LRBA: variants seen among roughly 807,000 people sequenced by gnomAD.
LRBA encodes the protein LPS responsive beige-like anchor protein.
In LRBA, 176 loss-of-function variants were observed where a neutral mutation model predicts 330.0. That is an observed-to-expected ratio of 0.53 (90% confidence interval 0.47 to 0.60). The LOEUF (loss-of-function observed/expected upper bound fraction) is 0.60, where lower values mean the gene tolerates loss of function less well. Ranked by LOEUF, LRBA falls within the 20% of genes least tolerant of loss-of-function variation. LRBA has a pLI of 0.00. For missense variants in LRBA, 3,259 were observed against 3,444.8 expected, an observed-to-expected ratio of 0.95 and a Z score of 1.35; for synonymous variants, 1,230 against 1,193.0, an observed-to-expected ratio of 1.03 and a Z score of -0.64.
intron 47 of LRBA, among the ~76,000 whole-genome samples, chr4:150,388,045 G>T (rs1261536148): frequency 6.6e-6 from 1 of 152,200 alleles, no homozygotes; most frequent in Non-Finnish European, 1.5e-5. Context: ...TCTGAAGGCT[G>T]AATTAATTTA....
chr4:150,447,988 A>G (rs1752824178), intron 44 of LRBA, among the ~76,000 whole-genome samples: 1 of 152,228 alleles, frequency 6.6e-6, no homozygotes, highest in Admixed American at 6.5e-5. Flanking sequence ...TCACAGGAAG[A>G]AAAGCCTAAG....
chr4:150,703,831 G>T (rs1416798893), intron 36 of LRBA, among the ~76,000 whole-genome samples: 1 of 151,122 alleles, frequency 6.6e-6, no homozygotes, highest in Admixed American at 6.6e-5. Flanking sequence ...ATCAAGGTTA[G>T]ATTCTCAAAG....
chr4:150,302,750 G>T lies in LRBA; in HGVS notation c.7892C>A (p.Thr2631Asn), dbSNP rs777478110. ...QVVFGHWDVV[T>N]CLARSESYIG... is the part of the protein sequence containing the mutation. Reference sequence around the variant, plus strand: ...ATATGACTCAGAACGAGCAAGGCAAGTGACGACATCCCAATGGCCAAACAC... The same window carrying T: ...ATATGACTCAGAACGAGCAAGGCAATTGACGACATCCCAATGGCCAAACAC... Residue 2631 changes from threonine (T) to asparagine (N), a missense_variant, in exon 53 of 57, where the codon ACT becomes AAT. Physicochemically the swap from Thr to Asn is moderately conservative, Grantham distance 65 (BLOSUM62 0). Coordinates refer to ENST00000651943, the MANE Select transcript of LRBA (RefSeq NM_001364905.1). 1 of 1,609,876 alleles carries T rather than the reference G, an allele frequency of 6.2e-7. No individual in the cohort carries two copies. The highest frequency in any genetic ancestry group is 1.7e-5 in the Admixed American group (1 of 59,644).
intron 56 of LRBA, among the ~76,000 whole-genome samples, chr4:150,270,255 T>C (rs568793357): frequency 6.6e-6 from 1 of 152,284 alleles, no homozygotes; most frequent in South Asian, 2.1e-4. Flanking sequence ...TGAATAGATA[T>C]TTGTATGATA....
intron 2 of LRBA, among the ~76,000 whole-genome samples, chr4:150,948,901 A>G (rs563136578): frequency 8.8e-4 from 134 of 152,094 alleles, no homozygotes; most frequent in African/African-American, 3.1e-3. Context: ...ATCACTATAC[A>G]TCAATCAAAA....
chr4:150,349,678 GA>G (rs1197064370), intron 48 of LRBA, among the ~76,000 whole-genome samples: 1 of 151,628 alleles, frequency 6.6e-6, no homozygotes, highest in Non-Finnish European at 1.5e-5. Flanking sequence ...TCTCTTTAAT[GA>G]ATTATTACTA....
In LRBA at chr4:150,590,821, T is replaced by C; in HGVS notation, c.6085A>G (p.Ile2029Val). 1 of 1,613,862 alleles carries C rather than the reference T, an allele frequency of 6.2e-7. No homozygotes were observed. Among genetic ancestry groups the C allele is most frequent in the Non-Finnish European group, 8.5e-7 (1 of 1,179,786 alleles). ...EDILAKGKQS[I>V]RSQALGNQNS... ...TGATTTCCTAAAGCCTGACTCCTGA[T>C]GGACTGTTTTCCTTTAGCAAGGATA... Residue 2029 changes from isoleucine to valine, a missense_variant, in exon 39 of 57, where the codon ATC becomes GTC. Ile to Val is a conservative substitution (Grantham distance 29). Transcript: ENST00000651943.
chr4:150,952,917 T>C (rs1209649065), intron 2 of LRBA, among the ~76,000 whole-genome samples: 1 of 152,148 alleles, frequency 6.6e-6, no homozygotes, highest in African/African-American at 2.4e-5. Flanking sequence ...CTTACAATTA[T>C]TTTGCTTCCT....
intron 2 of LRBA, among the ~76,000 whole-genome samples, chr4:150,945,005 C>T (rs1736092864): frequency 6.6e-6 from 1 of 152,198 alleles, no homozygotes; most frequent in Non-Finnish European, 1.5e-5. Flanking sequence ...GACTGTGGGG[C>T]CTCCCCAGCA....
chr4:150,413,473 T>C (rs75307767), intron 47 of LRBA, among the ~76,000 whole-genome samples: 3,452 of 152,204 alleles, frequency 0.023, 128 homozygotes, highest in African/African-American at 0.077. Flanking sequence ...ACTACTGATA[T>C]ATGCACAACA....
In LRBA at chr4:150,281,094, C is replaced by A. The variant is rs1380345041; in HGVS notation, c.8316+1356G>T. Among the ~76,000 whole-genome samples, 4 of 152,300 alleles carry A rather than the reference C, an allele frequency of 2.6e-5. No individual in the cohort carries two copies. In the East Asian group the frequency reaches 5.8e-4, roughly 22 times the overall value. ...AACTTCCCAGAGCCCCTGGTACTAA[C>A]TGAAATGCCACAGAAATTGCTTCAG... On this transcript the variant is annotated intron_variant, in intron 55 of 56. Transcript: ENST00000651943.
chr4:150,348,137 A>G (rs1262452419), intron 48 of LRBA, among the ~76,000 whole-genome samples: 1 of 152,246 alleles, frequency 6.6e-6, no homozygotes, highest in Non-Finnish European at 1.5e-5. Flanking sequence ...ATTAACGCAC[A>G]GTAAACTTCC....
chr4:150,627,165 T>C (rs1009431982), intron 37 of LRBA, among the ~76,000 whole-genome samples: 2 of 152,096 alleles, frequency 1.3e-5, no homozygotes, highest in African/African-American at 4.8e-5. Flanking sequence ...CTGCTCAGTA[T>C]TCCTGGTCCT....
At chr4:150,286,743 G>A (rs10520053) in intron 53 of LRBA, among the ~76,000 whole-genome samples, 39,898 of 151,948 alleles carry the variant, frequency 0.26, 5,450 homozygotes, top group Non-Finnish European at 0.3. Context: ...AGATATTGCC[G>A]AATACTTTCA....
At chr4:150,978,574 G>A (rs1740474396) in intron 2 of LRBA, among the ~76,000 whole-genome samples, 1 of 152,108 alleles carries the variant, frequency 6.6e-6, no homozygotes, top group Non-Finnish European at 1.5e-5. Context: ...AGAGATATGT[G>A]GCCTTTTAGG....
chr4:150,840,943 A>G (rs560901769), intron 28 of LRBA: 43 of 1,143,964 alleles, frequency 3.8e-5, no homozygotes, highest in Middle Eastern at 4.7e-4. Flanking sequence ...AAAATAGAAG[A>G]TAGGCTCAAT....
intron 46 of LRBA, among the ~76,000 whole-genome samples, chr4:150,416,895 C>A (rs755001968): frequency 2.6e-5 from 4 of 152,042 alleles, no homozygotes; most frequent in Non-Finnish European, 5.9e-5. Context: ...TTTAATCTCA[C>A]AACCACTTTA....
chr4:150,659,772 G>A (rs1205578873), intron 37 of LRBA, among the ~76,000 whole-genome samples: 22 of 24,260 alleles, frequency 9.1e-4, no homozygotes, highest in South Asian at 1.5e-3. Flanking sequence ...CGGGAGGTGA[G>A]GGGCGCCTCT....
chr4:150,473,942 A>G (rs907334016), intron 42 of LRBA, among the ~76,000 whole-genome samples: 2 of 152,158 alleles, frequency 1.3e-5, no homozygotes, highest in East Asian at 3.8e-4. Context: ...TCATTTACTT[A>G]GTGGTCAATT....
Sources: allele counts gnomAD v4.1 joint callset (sites outside exome capture counted in the v4.1 genomes callset), GRCh38; gene constraint gnomAD v4.1.1; transcripts MANE v1.5; gene names NCBI Gene and HGNC (gene_info 2026-07-23, HGNC 2026-07-21).